The following TUBGCP6 variants were observed in gnomAD, a reference collection of about 807,000 sequenced individuals.
TUBGCP6 encodes the protein gamma-tubulin complex component 6.
In TUBGCP6, 161 loss-of-function variants were observed where a neutral mutation model predicts 175.8. The ratio of observed to expected loss-of-function variants is 0.92; its 90% CI spans 0.81 to 1.04. The LOEUF (loss-of-function observed/expected upper bound fraction) is 1.04, where lower values mean the gene tolerates loss of function less well. Ranked by LOEUF, TUBGCP6 falls within the 50% of genes least tolerant of loss-of-function variation. TUBGCP6 has a pLI of 0.00. For synonymous variants in TUBGCP6, 1,173 were observed against 1,030.5 expected (o/e 1.14, Z -2.65); for missense variants, 2,572 against 2,433.0 (o/e 1.06, Z -1.20).
chr22:50,226,218 G>A (rs762944125), intron 8 of TUBGCP6, 29 bp from the exon 9 acceptor site: 38 of 1,614,020 alleles, frequency 2.4e-5, no homozygotes, highest in South Asian at 5.5e-5. Flanking sequence ...CACGGTGGCC[G>A]GCATGGCCAT....
In TUBGCP6 at chr22:50,226,803, G is replaced by A; in HGVS notation, c.1531C>T (p.His511Tyr). ...LLSYLYQEAL[H>Y]NCSNEHYPVL... ...GGGTAGTGCTCGTTGCTGCAGTTGT[G>A]CAGAGCCTCCTGGTAGAGGTAGGAC... The change falls in exon 7 of 25, where the codon CAC becomes TAC. Residue 511 changes from histidine to tyrosine, a missense_variant. Coordinates refer to ENST00000248846, the MANE Select transcript of TUBGCP6 (RefSeq NM_020461.4). 1 of 1,590,652 alleles carries A rather than the reference G, an allele frequency of 6.3e-7. No homozygotes were observed. The highest frequency in any genetic ancestry group is 8.6e-7 in the Non-Finnish European group (1 of 1,169,282).
Position 50,226,305 on chromosome 22 carries a change from C to G in TUBGCP6, c.1675G>C (p.Glu559Gln). 6.2e-7 allele frequency: 1 copy of G among 1,613,942 alleles called. No individual in the cohort carries two copies. Among genetic ancestry groups the G allele is most frequent in the Non-Finnish European group, 8.5e-7 (1 of 1,179,990 alleles). The change falls in exon 8 of 25, where the codon GAG becomes CAG. Residue 559 changes from glutamate (E) to glutamine (Q), a missense_variant. Coordinates refer to ENST00000248846, the MANE Select transcript of TUBGCP6 (RefSeq NM_020461.4). ...YGEFMIQVNH[E>Q]YLSFRDKLYW... Reference sequence around the variant, plus strand: ...CACCTACCTCGGAAGCTGAGGTACTCGTGGTTCACCTGAATCATGAACTCG... The same window carrying G: ...CACCTACCTCGGAAGCTGAGGTACTGGTGGTTCACCTGAATCATGAACTCG...
At chr22:50,223,163 G>GT (rs1254607180) in intron 13 of TUBGCP6, 1 of 155,196 alleles carries the variant, frequency 6.4e-6, no homozygotes, top group African/African-American at 2.4e-5. Context: ...TTCTCCATGT[G>GT]TTAACAGGAC....
Position 50,244,714 on chromosome 22 carries a change from T to A in TUBGCP6, c.-255A>T. On this transcript the variant is annotated 5_prime_UTR_variant, in exon 1 of 25. Transcript: ENST00000248846. ...CAGCCCACCAGAAGCCAGCTCGGCG[T>A]TTCTTCTAATTCAGTAGCCCTCAAC... 1 of 532,958 alleles carries A rather than the reference T, an allele frequency of 1.9e-6. No individual in the cohort carries two copies. Among genetic ancestry groups the A allele is most frequent in the Non-Finnish European group, 3.3e-6 (1 of 305,446 alleles). 33.0% of individuals were successfully genotyped at this position (532,958 alleles called of 1,614,324 possible).
At chr22:50,232,491 C>T (rs2064706678) in intron 3 of TUBGCP6, among the ~76,000 whole-genome samples, 1 of 151,580 alleles carries the variant, frequency 6.6e-6, no homozygotes, top group African/African-American at 2.4e-5. Context: ...CCCAGGAGGT[C>T]GAGGCTACTG....
chr22:50,243,452 CA>C (rs369826679), intron 1 of TUBGCP6, among the ~76,000 whole-genome samples: 2,952 of 113,350 alleles, frequency 0.026, 53 homozygotes, highest in East Asian at 0.085. Flanking sequence ...GACTCCATCT[CA>C]AAAAAAAAAA....
chr22:50,220,134 G>C, intron 16 of TUBGCP6, 117 bp downstream of exon 16: 1 of 1,548,544 alleles, frequency 6.5e-7, no homozygotes, highest in Non-Finnish European at 8.8e-7. Context: ...CCCAGGTCCT[G>C]GCTGACAAGG....
Position 50,243,831 on chromosome 22 carries a change from G to C in TUBGCP6, c.629C>G (p.Thr210Ser), listed in dbSNP as rs778418750. The change falls in exon 1 of 25, where the codon ACC (threonine) becomes AGC (serine). Residue 210 changes from threonine to serine, a missense_variant. Coordinates refer to ENST00000248846, the MANE Select transcript of TUBGCP6 (RefSeq NM_020461.4). ...AAGGGCCCCGAAGAGCGAGACCCGG[G>C]TGTCTCTCTCGAACCTGTCACCACA... is the stretch of plus-strand genomic sequence containing the variant. ...DPCGDRFERD[T>S]RVSLFGALVH... 6.2e-7 allele frequency: 1 copy of C among 1,613,630 alleles called. No homozygotes were observed. The highest frequency in any genetic ancestry group is 8.5e-7 in the Non-Finnish European group (1 of 1,180,008).
At chr22:50,233,788 C>T (rs916147280) in intron 2 of TUBGCP6, among the ~76,000 whole-genome samples, 4 of 152,124 alleles carry the variant, frequency 2.6e-5, no homozygotes, top group Admixed American at 6.5e-5. Context: ...GGGTCCTGGG[C>T]ATGGCCGGGG....
rs187688664 is a variant in TUBGCP6, at chr22:50,242,857, C to T, written c.741+862G>A. ...GCTCTAGAAGGCAGAGGTGGCTTAA[C>T]GATATACCCCATTAGGTAAAGATGA... On this transcript the variant is annotated intron_variant, in intron 1 of 24. Transcript: ENST00000248846. 2.5e-3 allele frequency among the ~76,000 whole-genome samples: 384 copies of T among 152,282 alleles called. 2 individuals carry two copies. Among genetic ancestry groups the T allele is most frequent in the South Asian group, 0.02 (95 of 4,816 alleles).
At chr22:50,219,890 C>CGT in intron 17 of TUBGCP6, 67 bp downstream of exon 17, 2 of 1,604,930 alleles carry the variant, frequency 1.2e-6, no homozygotes, top group Non-Finnish European at 1.7e-6. Context: ...GACCCACCCG[C>CGT]GTGACAACCT....
intron 17 of TUBGCP6, 47 bp from the exon 18 acceptor site, chr22:50,219,838 CCCA>C (rs765600525): frequency 1.0e-5 from 16 of 1,605,866 alleles, no homozygotes; most frequent in Non-Finnish European, 1.3e-5. Flanking sequence ...GCACGCTGTC[CCCA>C]CAACCAGCTT....
chr22:50,235,074 C>T (rs1195412593), intron 2 of TUBGCP6, among the ~76,000 whole-genome samples: 2 of 151,876 alleles, frequency 1.3e-5, no homozygotes, highest in East Asian at 3.9e-4. Context: ...GTATCCACAC[C>T]CCTGTCCATG....
chr22:50,229,881 A>C (rs1180059431), intron 3 of TUBGCP6, among the ~76,000 whole-genome samples: 2 of 152,204 alleles, frequency 1.3e-5, no homozygotes, highest in Non-Finnish European at 2.9e-5. Flanking sequence ...AGAAGCTATA[A>C]AACATGACGG....
rs772074763 is a variant in TUBGCP6, at chr22:50,219,212, G to A, written c.4485-3C>T. ...CGGCCTTGTTCACCAAGGAGATGCTGGCAGGAGGGAGCTGGAGTCAGGGCG... is the reference window on the plus strand; with the variant it reads ...CGGCCTTGTTCACCAAGGAGATGCTAGCAGGAGGGAGCTGGAGTCAGGGCG... On this transcript the variant is annotated splice_polypyrimidine_tract_variant and splice_region_variant and intron_variant, in intron 19 of 24. Coordinates refer to ENST00000248846, the MANE Select transcript of TUBGCP6 (RefSeq NM_020461.4). 6.2e-7 allele frequency: 1 copy of A among 1,611,064 alleles called. No homozygotes were observed. The highest frequency in any genetic ancestry group is 2.2e-5 in the East Asian group (1 of 44,880).
At chr22:50,236,027 TACAC>T (rs956634146) in intron 2 of TUBGCP6, among the ~76,000 whole-genome samples, 5 of 150,346 alleles carry the variant, frequency 3.3e-5, no homozygotes, top group African/African-American at 1.2e-4. Flanking sequence ...GCAGTGAAAA[TACAC>T]ACAGCATTAC....
At position 50,240,077 on chromosome 22, in the gene TUBGCP6, C is replaced by A; in HGVS notation, c.905+127G>T. 4 of 1,323,404 alleles carry A rather than the reference C, an allele frequency of 3.0e-6. No individual in the cohort carries two copies. The South Asian group carries it at 5.1e-5, about 17-fold the overall frequency. The allele number at this position is 1,323,404 out of a possible 1,614,324, so 82.0% of individuals were successfully genotyped here. ...GGACTCAGTCAATTTTGGACACTAG[C>A]TTAGGTTACTAACCCATCACAACTG... On this transcript the variant is annotated intron_variant, in intron 2 of 24. Coordinates refer to ENST00000248846, the MANE Select transcript of TUBGCP6 (RefSeq NM_020461.4).
rs1177361244 is a variant in TUBGCP6 at position 50,244,851 on chromosome 22, G to A, written c.-392C>T. The A allele has an allele frequency of 5.8e-5, 13 of 224,380 alleles. No individual in the cohort carries two copies. The highest frequency in any genetic ancestry group is 1.2e-4 in the Non-Finnish European group (13 of 112,184). The allele number at this position is 224,380 out of a possible 1,614,324, so 13.9% of individuals were successfully genotyped here. A position where few individuals can be genotyped will look rare whatever the true frequency, so the allele number is the denominator to read the frequency against. On this transcript the variant is annotated 5_prime_UTR_variant, in exon 1 of 25. Coordinates refer to ENST00000248846, the MANE Select transcript of TUBGCP6 (RefSeq NM_020461.4). ...TTCTTCGGGACCCACGAGAGGAGAC[G>A]GCCAGGAGAGGGTGCCACTCCGAGG...
Position 50,231,081 on chromosome 22 carries a change from C to CAAAAA in TUBGCP6, c.1117-1509_1117-1505dup, listed in dbSNP as rs35669469. On this transcript the variant is annotated intron_variant, in intron 3 of 24. Transcript: ENST00000248846. ...TGGGCAACAGAGCGAGACTCTATCTCAAAAAAAAAAAAAAAAAAAAAAAAG... is the reference window on the plus strand; with the variant it reads ...TGGGCAACAGAGCGAGACTCTATCTCAAAAAAAAAAAAAAAAAAAAAAAAAAAAAG... 2.1e-3 allele frequency among the ~76,000 whole-genome samples: 49 copies of CAAAAA among 22,812 alleles called. 1 individual carries two copies. The highest frequency in any genetic ancestry group is 8.4e-3 in the African/African-American group (46 of 5,460). The allele number at this position is 22,812 out of a possible 152,430, so 15.0% of individuals were successfully genotyped here.
Sources: allele counts gnomAD v4.1 joint callset (sites outside exome capture counted in the v4.1 genomes callset), GRCh38; gene constraint gnomAD v4.1.1; transcripts MANE v1.5; gene names NCBI Gene and HGNC (gene_info 2026-07-23, HGNC 2026-07-21).